The following CDH4 variants were observed in gnomAD, a reference collection of about 807,000 sequenced individuals.
CDH4 encodes the protein cadherin-4.
CDH4 carries 33 observed loss-of-function variants against 86.0 expected under a neutral mutation model. That is an observed-to-expected ratio of 0.38 (90% CI 0.29 to 0.51). CDH4 has a LOEUF of 0.51. Among genes scored for constraint, CDH4 ranks in the 20% least tolerant of loss-of-function variants. The pLI is 0.86. For synonymous variants in CDH4, 555 were observed against 549.4 expected, an observed-to-expected ratio of 1.01 and a Z score of -0.14; for missense variants, 1,114 against 1,307.4, an observed-to-expected ratio of 0.85 and a Z score of 2.28.
intron 2 of CDH4, among the ~76,000 whole-genome samples, chr20:61,387,628 A>G (rs773844804): frequency 3.3e-5 from 5 of 152,066 alleles, no homozygotes; most frequent in African/African-American, 2.4e-5. Context: ...AAAGATACAC[A>G]CAGACACACA....
rs1555830519 is a variant in CDH4 at position 61,258,329 on chromosome 20, C to CAAAAAAAG, written c.169+3399_169+3400insGAAAAAAA. On this transcript the variant is annotated intron_variant, in intron 2 of 15. Coordinates refer to ENST00000614565, the MANE Select transcript of CDH4 (RefSeq NM_001794.5). ...TGGGCAAAAGAACGAGACTCCGTCT[C>CAAAAAAAG]AAAAAAAAAAAAAAAAGAAAAAAAA... 4.5e-4 allele frequency among the ~76,000 whole-genome samples: 28 copies of CAAAAAAAG among 62,360 alleles called. 2 individuals are homozygous for CAAAAAAAG. The highest frequency in any genetic ancestry group is 2.0e-3 in the African/African-American group (28 of 13,732). 40.9% of individuals were successfully genotyped at this position (62,360 alleles called of 152,430 possible).
At chr20:61,572,980 G>C (rs2086353605) in intron 2 of CDH4, among the ~76,000 whole-genome samples, 1 of 150,792 alleles carries the variant, frequency 6.6e-6, no homozygotes, top group African/African-American at 2.5e-5. Context: ...AAGGATGGAT[G>C]GACGGATAGA....
At chr20:61,831,942 G>T (rs919662262) in intron 4 of CDH4, among the ~76,000 whole-genome samples, 4 of 152,218 alleles carry the variant, frequency 2.6e-5, no homozygotes, top group Non-Finnish European at 5.9e-5. Flanking sequence ...TGGAAGCCTC[G>T]GGCCTGGGCA....
At chr20:61,833,987 C>T (rs1981746176) in intron 4 of CDH4, among the ~76,000 whole-genome samples, 2 of 152,224 alleles carry the variant, frequency 1.3e-5, no homozygotes, top group African/African-American at 4.8e-5. Context: ...TTCCTATTGG[C>T]CCAGCGTGGG....
At chr20:61,433,971 C>T (rs2246590) in intron 2 of CDH4, among the ~76,000 whole-genome samples, 3 of 152,142 alleles carry the variant, frequency 2.0e-5, no homozygotes, top group South Asian at 4.1e-4. Context: ...CATTTCCTGC[C>T]GTGGCCTCCT....
chr20:61,745,992 A>G (rs942647721), intron 3 of CDH4, among the ~76,000 whole-genome samples: 20 of 152,162 alleles, frequency 1.3e-4, no homozygotes, highest in African/African-American at 4.6e-4. Flanking sequence ...GCCTCGACCC[A>G]CACCAGGCTG....
intron 4 of CDH4, among the ~76,000 whole-genome samples, chr20:61,801,348 A>G (rs1210695122): frequency 6.6e-6 from 1 of 152,100 alleles, no homozygotes; most frequent in African/African-American, 2.4e-5. Context: ...GAGGGCATCA[A>G]CCACAAACAC....
chr20:61,320,712 C>G (rs938293266), intron 2 of CDH4, among the ~76,000 whole-genome samples: 1 of 151,712 alleles, frequency 6.6e-6, no homozygotes, highest in Non-Finnish European at 1.5e-5. Context: ...CTGCTGAGGT[C>G]GAGGAAGCCT....
In CDH4 at chr20:61,565,233, G is replaced by GTGGTGGTGGCGGTGCTCT. The variant is rs1555809111; in HGVS notation, c.170-178324_170-178307dup. On this transcript the variant is annotated intron_variant, in intron 2 of 15. Transcript: ENST00000614565. Reference sequence around the variant, plus strand: ...GTGCTCTCGGTGGTAGGTGGTGGTGGTGGTGGTGGCGGTGCTCTTGGTGAT... The same window carrying GTGGTGGTGGCGGTGCTCT: ...GTGCTCTCGGTGGTAGGTGGTGGTGGTGGTGGTGGCGGTGCTCTTGGTGGTGGCGGTGCTCTTGGTGAT... 1.3e-4 allele frequency among the ~76,000 whole-genome samples: 6 copies of GTGGTGGTGGCGGTGCTCT among 46,764 alleles called. 2 individuals are homozygous for GTGGTGGTGGCGGTGCTCT. The highest frequency in any genetic ancestry group is 4.7e-4 in the East Asian group (1 of 2,130). The allele number at this position is 46,764 out of a possible 152,430, so 30.7% of individuals were successfully genotyped here. A position where few individuals can be genotyped will look rare whatever the true frequency, so the allele number is the denominator to read the frequency against.
At position 61,882,433 on chromosome 20, in the gene CDH4, C is replaced by G. The variant is rs192940411; in HGVS notation, c.1050+8533C>G. ...TGTATTAATCTTGTTTTAACTCGGT[C>G]AACATCGAAACGAGAGATTTCTATT... is the stretch of plus-strand genomic sequence containing the variant. On this transcript the variant is annotated intron_variant, in intron 7 of 15. Coordinates refer to ENST00000614565, the MANE Select transcript of CDH4 (RefSeq NM_001794.5). Among the ~76,000 whole-genome samples, 682 of 152,352 alleles carry G rather than the reference C, an allele frequency of 4.5e-3. 4 individuals carry two copies. Among genetic ancestry groups the G allele is most frequent in the African/African-American group, 0.015 (638 of 41,586 alleles).
At chr20:61,933,916 TG>T in intron 14 of CDH4, 139 bp from the exon 15 acceptor site, 1 of 917,736 alleles carries the variant, frequency 1.1e-6, no homozygotes, top group Non-Finnish European at 1.7e-6. Context: ...GGGGACAGCA[TG>T]GTTCTGTGGG....
At chr20:61,283,449 ATG>A (rs1374220199) in intron 2 of CDH4, among the ~76,000 whole-genome samples, 1 of 62,990 alleles carries the variant, frequency 1.6e-5, no homozygotes, top group Non-Finnish European at 3.3e-5. Context: ...GGTGTGTGTG[ATG>A]TGTGTGCGTT....
intron 2 of CDH4, among the ~76,000 whole-genome samples, chr20:61,459,932 C>T (rs950559581): frequency 7.2e-5 from 11 of 151,918 alleles, no homozygotes; most frequent in Non-Finnish European, 1.2e-4. Flanking sequence ...GATAAAGCTC[C>T]GCAAGCTGAC....
chr20:61,614,105 G>T (rs183259837), intron 2 of CDH4, among the ~76,000 whole-genome samples: 2 of 152,194 alleles, frequency 1.3e-5, no homozygotes, highest in African/African-American at 4.8e-5. Context: ...GGCTCCCAGA[G>T]CCTGGGATTT....
intron 2 of CDH4, among the ~76,000 whole-genome samples, chr20:61,341,614 T>C (rs1200279715): frequency 6.6e-6 from 1 of 151,982 alleles, no homozygotes; most frequent in East Asian, 1.9e-4. Flanking sequence ...ATGAGAAGAT[T>C]GGAGAATAAC....
intron 2 of CDH4, among the ~76,000 whole-genome samples, chr20:61,261,219 T>C (rs1170541479): frequency 1.3e-5 from 2 of 152,192 alleles, no homozygotes; most frequent in African/African-American, 4.8e-5. Context: ...CAGTGATTCC[T>C]AAGTCAGTGG....
intron 2 of CDH4, among the ~76,000 whole-genome samples, chr20:61,685,968 C>CT (rs1184509264): frequency 6.6e-6 from 1 of 152,242 alleles, no homozygotes; most frequent in Non-Finnish European, 1.5e-5. Context: ...CCTCTCCTGC[C>CT]TTTCATCAGA....
chr20:61,751,374 A>G (rs1187074346), intron 3 of CDH4, among the ~76,000 whole-genome samples: 1 of 152,240 alleles, frequency 6.6e-6, no homozygotes, highest in African/African-American at 2.4e-5. Flanking sequence ...AACTACAGCC[A>G]TTAAAACGGT....
chr20:61,405,350 T>A (rs896215649), intron 2 of CDH4, among the ~76,000 whole-genome samples: 1 of 151,916 alleles, frequency 6.6e-6, no homozygotes, highest in Non-Finnish European at 1.5e-5. Flanking sequence ...TTATCAAACG[T>A]TCTGGAAATC....
Sources: gnomAD v4.1 joint callset for allele counts (sites outside exome capture counted in the v4.1 genomes callset) on GRCh38, gnomAD v4.1.1 for gene constraint, MANE v1.5 for transcripts, NCBI Gene and HGNC (gene_info 2026-07-23, HGNC 2026-07-21) for gene names.